The following SLC25A30 variants were observed in gnomAD, a reference collection of about 807,000 sequenced individuals.
SLC25A30 encodes the protein kidney mitochondrial carrier protein 1.
SLC25A30 carries 29 observed loss-of-function variants against 42.7 expected under a neutral mutation model. The ratio of observed to expected loss-of-function variants is 0.68; its 90% CI spans 0.51 to 0.93. The LOEUF (loss-of-function observed/expected upper bound fraction) is 0.93, where lower values mean the gene tolerates loss of function less well. SLC25A30 is among the 40% of genes least tolerant of loss of function. The pLI is 0.00. For missense variants in SLC25A30, 300 were observed against 359.7 expected (o/e 0.83, Z 1.34); for synonymous variants, 124 against 131.0 (o/e 0.95, Z 0.37).
the SLC25A30 span, among the ~76,000 whole-genome samples, chr13:45,424,616 T>C: frequency 1.8e-5 from 1 of 55,752 alleles, no homozygotes; most frequent in East Asian, 4.1e-4. Flanking sequence ...TAAATATATA[T>C]AAATATATAT....
At chr13:45,406,185 C>T (rs561680300) in intron 3 of SLC25A30, among the ~76,000 whole-genome samples, 2 of 152,112 alleles carry the variant, frequency 1.3e-5, no homozygotes, top group South Asian at 2.1e-4. Flanking sequence ...CGGGTTCAAG[C>T]GATTCTTCTG....
chr13:45,420,832 C>T (rs976380326), upstream of SLC25A30, among the ~76,000 whole-genome samples: 9 of 152,066 alleles, frequency 5.9e-5, no homozygotes, highest in Non-Finnish European at 8.8e-5. Flanking sequence ...TCCCAAAGTG[C>T]TGGGAGTACA....
intron 1 of SLC25A30, among the ~76,000 whole-genome samples, chr13:45,417,257 C>T (rs1254291311): frequency 6.6e-6 from 1 of 152,158 alleles, no homozygotes; most frequent in Non-Finnish European, 1.5e-5. Flanking sequence ...GTGATCCGCC[C>T]GCCTCGGCCT....
the SLC25A30 span, among the ~76,000 whole-genome samples, chr13:45,427,264 T>G: frequency 6.6e-6 from 1 of 152,180 alleles, no homozygotes; most frequent in African/African-American, 2.4e-5. Flanking sequence ...TCCCGAAGCA[T>G]AGGATAAAGT....
At chr13:45,433,679 C>G in the SLC25A30 span, among the ~76,000 whole-genome samples, 1 of 152,128 alleles carries the variant, frequency 6.6e-6, no homozygotes, top group African/African-American at 2.4e-5. Flanking sequence ...GGAAGCTGGC[C>G]GAGGCCTGAG....
intron 7 of SLC25A30, 78 bp from the exon 8 acceptor site, chr13:45,399,156 C>T: frequency 2.1e-6 from 3 of 1,398,834 alleles, no homozygotes; most frequent in Non-Finnish European, 2.9e-6. Context: ...CAGAAAACAG[C>T]TTCTGCCCAA....
chr13:45,395,778 G>A lies in SLC25A30; in HGVS notation c.*196C>T. On this transcript the variant is annotated 3_prime_UTR_variant, in exon 10 of 10. Coordinates refer to ENST00000519676, the MANE Select transcript of SLC25A30 (RefSeq NM_001010875.4). ...GGTAAAGACTAGTGTTTGGATGTTA[G>A]TTTATGCCATTAAACGTTTGATGAA... 6.9e-7 allele frequency: 1 copy of A among 1,455,302 alleles called. No homozygotes were observed. The highest frequency in any genetic ancestry group is 9.1e-7 in the Non-Finnish European group (1 of 1,104,744). 90.1% of individuals were successfully genotyped at this position (1,455,302 alleles called of 1,614,324 possible). A position where few individuals can be genotyped will look rare whatever the true frequency, so the allele number is the denominator to read the frequency against.
the SLC25A30 span, among the ~76,000 whole-genome samples, chr13:45,425,310 A>ATG: frequency 1.3e-5 from 1 of 74,892 alleles, no homozygotes; most frequent in African/African-American, 9.0e-5. Context: ...GTATATATAA[A>ATG]TATATATGTA....
At chr13:45,425,334 ATAAGTATATATAACTATATG>A in the SLC25A30 span, among the ~76,000 whole-genome samples, 1 of 109,180 alleles carries the variant, frequency 9.2e-6, no homozygotes, top group Admixed American at 1.4e-4. Context: ...GTAACTATAT[ATAAGTATATATAACTATATG>A]TAAGTATATG....
At chr13:45,430,689 C>A in the SLC25A30 span, among the ~76,000 whole-genome samples, 1 of 152,008 alleles carries the variant, frequency 6.6e-6, no homozygotes, top group Non-Finnish European at 1.5e-5. Flanking sequence ...TGCCTGTAGT[C>A]CCAGCCACTT....
At chr13:45,423,295 A>C (rs185521124), upstream of SLC25A30, among the ~76,000 whole-genome samples, 4 of 151,856 alleles carry the variant, frequency 2.6e-5, no homozygotes, top group African/African-American at 9.6e-5. Flanking sequence ...GATGTGTTCC[A>C]CTAGACACAA....
intron 7 of SLC25A30, among the ~76,000 whole-genome samples, chr13:45,400,492 T>C (rs1881865502): frequency 6.6e-6 from 1 of 152,116 alleles, no homozygotes; most frequent in Non-Finnish European, 1.5e-5. Flanking sequence ...TTGGAATATG[T>C]TGTTAAATCG....
Position 45,395,842 on chromosome 13 carries a change from C to T in SLC25A30, c.*132G>A. ...CAACACACAGCAATCTCAACTAACC[C>T]AGTCTTCATCTGTTGCTCACATCCC... On this transcript the variant is annotated 3_prime_UTR_variant, in exon 10 of 10. Coordinates refer to ENST00000519676, the MANE Select transcript of SLC25A30 (RefSeq NM_001010875.4). 4.4e-6 allele frequency: 7 copies of T among 1,582,720 alleles called. No homozygotes were observed. Among genetic ancestry groups the T allele is most frequent in the Non-Finnish European group, 6.0e-6 (7 of 1,165,208 alleles).
chr13:45,416,502 CA>C (rs1883547945), intron 1 of SLC25A30, among the ~76,000 whole-genome samples: 2 of 152,026 alleles, frequency 1.3e-5, no homozygotes, highest in Non-Finnish European at 2.9e-5. Flanking sequence ...GCTAGTCACA[CA>C]TACCTGTAAT....
the SLC25A30 span, among the ~76,000 whole-genome samples, chr13:45,423,886 T>TAAAAAAA: frequency 0.19 from 14,342 of 76,086 alleles, 1,858 homozygotes; most frequent in Non-Finnish European, 0.25. Context: ...TATAAAAATA[T>TAAAAAAA]ATATATAAAT....
chr13:45,397,044 TTTTGAATAATACCACCATCAAAG>T lies in SLC25A30; in HGVS notation c.834+191_834+213del, dbSNP rs1469643277. The T allele has an allele frequency of 7.5e-6, 4 of 529,894 alleles. No individual in the cohort carries two copies. In the African/African-American group the frequency reaches 7.8e-5, roughly 10 times the overall value. 32.8% of individuals were successfully genotyped at this position (529,894 alleles called of 1,614,324 possible). A position where few individuals can be genotyped will look rare whatever the true frequency, so the allele number is the denominator to read the frequency against. On this transcript the variant is annotated intron_variant, in intron 9 of 9. Coordinates refer to ENST00000519676, the MANE Select transcript of SLC25A30 (RefSeq NM_001010875.4). ...TAAACCTTTTTAGTAGTATCACTAC[TTTTGAATAATACCACCATCAAAG>T]CAAGATTCAGTGTCTAGCACGGAGA...
intron 2 of SLC25A30, among the ~76,000 whole-genome samples, chr13:45,410,095 C>A (rs1254361517): frequency 6.6e-6 from 1 of 152,190 alleles, no homozygotes. Context: ...GTCCCCAACC[C>A]AGCACAGGGC....
At chr13:45,416,272 G>A (rs1042138622) in intron 1 of SLC25A30, among the ~76,000 whole-genome samples, 1 of 151,866 alleles carries the variant, frequency 6.6e-6, no homozygotes, top group East Asian at 2.0e-4. Context: ...GCCAGGCATA[G>A]TGGTGGGCGC....
chr13:45,404,274 T>C, intron 5 of SLC25A30, 53 bp downstream of exon 5: 8 of 1,224,854 alleles, frequency 6.5e-6, no homozygotes, highest in Non-Finnish European at 9.7e-6. Context: ...CGAATGTTGT[T>C]CTCAATAAGA....
Sources: gnomAD v4.1 joint callset for allele counts (sites outside exome capture counted in the v4.1 genomes callset) on GRCh38, gnomAD v4.1.1 for gene constraint, MANE v1.5 for transcripts, NCBI Gene and HGNC (gene_info 2026-07-23, HGNC 2026-07-21) for gene names.